The following FHL3 variants were observed in gnomAD, a reference collection of about 807,000 sequenced individuals.
The protein encoded by FHL3 is four and a half LIM domains protein 3.
In FHL3, 21 loss-of-function variants were observed where a neutral mutation model predicts 34.3. That is an observed-to-expected ratio of 0.61 (90% CI 0.43 to 0.88). The LOEUF (loss-of-function observed/expected upper bound fraction) is 0.88. Among genes scored for constraint, FHL3 ranks in the 40% least tolerant of loss-of-function variants. The pLI, the probability that FHL3 is intolerant of heterozygous loss-of-function variation, is 0.00. For missense variants in FHL3, 333 were observed against 373.7 expected (o/e 0.89, Z 0.90); for synonymous variants, 137 against 144.6 (o/e 0.95, Z 0.38).
chr1:37,997,677 G>T lies in FHL3; in HGVS notation c.688+7C>A, dbSNP rs1570480426. On this transcript the variant is annotated splice_region_variant and intron_variant, in intron 5 of 5. Coordinates refer to ENST00000373016, the MANE Select transcript of FHL3 (RefSeq NM_004468.5). This position sits in a 1 kb window ranked among gnomAD's most constrained non-coding sequence, Gnocchi z 4.3. Reference sequence around the variant, plus strand: ...CTACCCACTCCGTTCTTTGACCCTTGTCCCACCTACGATGGGGCGCTTGCA... The same window carrying T: ...CTACCCACTCCGTTCTTTGACCCTTTTCCCACCTACGATGGGGCGCTTGCA... The T allele has an allele frequency of 6.2e-7, 1 of 1,613,932 alleles. No homozygotes were observed. Among genetic ancestry groups the T allele is most frequent in the East Asian group, 2.2e-5 (1 of 44,876 alleles).
At chr1:38,001,089 C>T (rs1646589128) in intron 1 of FHL3, among the ~76,000 whole-genome samples, 1 of 152,248 alleles carries the variant, frequency 6.6e-6, no homozygotes. Context: ...AGGCCTGACT[C>T]TCCATACATC....
chr1:38,003,604 CAA>C (rs1646616224), intron 1 of FHL3, among the ~76,000 whole-genome samples: 1 of 152,248 alleles, frequency 6.6e-6, no homozygotes, highest in African/African-American at 2.4e-5. Context: ...TTGCCACTCA[CAA>C]AGTCCATGCC....
intron 1 of FHL3, among the ~76,000 whole-genome samples, chr1:38,002,100 AT>A (rs11352792): frequency 0.43 from 61,329 of 142,364 alleles, 12,677 homozygotes; most frequent in Non-Finnish European, 0.48. Flanking sequence ...CTGGACTGGA[AT>A]TTTTTTTTTT....
chr1:38,004,548 A>C (rs573482266), intron 1 of FHL3, among the ~76,000 whole-genome samples: 1 of 151,898 alleles, frequency 6.6e-6, no homozygotes, highest in Non-Finnish European at 1.5e-5. Context: ...GGCACACTTC[A>C]GTCTCTGTCT....
intron 1 of FHL3, among the ~76,000 whole-genome samples, chr1:38,001,412 C>A (rs1018544364): frequency 1.3e-5 from 2 of 152,214 alleles, no homozygotes; most frequent in Non-Finnish European, 2.9e-5. Flanking sequence ...CAGGCCCAGG[C>A]TAGACTTGGG....
Position 37,999,283 on chromosome 1 carries a change from G to A in FHL3, c.130C>T (p.Gln44Ter). 1 of 1,614,206 alleles carries A rather than the reference G, an allele frequency of 6.2e-7. No homozygotes were observed. Among genetic ancestry groups the A allele is most frequent in the African/African-American group, 1.3e-5 (1 of 75,034 alleles). Residue 44 changes from glutamine (Q) to a stop codon, truncating the protein, a stop_gained, in exon 2 of 6, where the codon CAG (glutamine) becomes TAG (stop). Coordinates refer to ENST00000373016, the MANE Select transcript of FHL3 (RefSeq NM_004468.5). LOFTEE classifies it high-confidence loss of function. Reference sequence around the variant, plus strand: ...CTCGAGTCATGCCCGATAAGCTGCTGGCACTCAGCACAGGTGTTGGCAAAG... The same window carrying A: ...CTCGAGTCATGCCCGATAAGCTGCTAGCACTCAGCACAGGTGTTGGCAAAG... ...NTFANTCAEC[Q>*]QLIGHDSREL...
rs751809514 is a variant in FHL3 at position 37,997,806 on chromosome 1, G to C, written c.566C>G (p.Thr189Ser). The change falls in exon 5 of 6, where the codon ACC (threonine) becomes AGC (serine). Residue 189 changes from threonine (T) to serine (S), a missense_variant. Transcript: ENST00000373016. The surrounding 1 kb of genome is among the most constrained non-coding windows in gnomAD (Gnocchi z 4.3). ...CCCTGCCAGGGGCGTCTGGCATCCG[G>C]TACAGACCAGACATTCTCGATGCCA... is the stretch of plus-strand genomic sequence containing the variant. ...QPWHRECLVC[T>S]GCQTPLAGQQ... The C allele has an allele frequency of 6.2e-7, 1 of 1,614,104 alleles. No individual in the cohort carries two copies. Among genetic ancestry groups the C allele is most frequent in the South Asian group, 1.1e-5 (1 of 91,084 alleles).
chr1:38,005,075 T>G (rs1193479537), intron 1 of FHL3, among the ~76,000 whole-genome samples: 3 of 151,806 alleles, frequency 2.0e-5, no homozygotes, highest in East Asian at 1.9e-4. Context: ...TCGGTCGGTC[T>G]GTCTGTCTCT....
Position 37,997,619 on chromosome 1 carries a change from C to T in FHL3, c.689-60G>A, listed in dbSNP as rs1436147149. 1.2e-6 allele frequency: 2 copies of T among 1,612,080 alleles called. No homozygotes were observed. Among genetic ancestry groups the T allele is most frequent in the Non-Finnish European group, 1.7e-6 (2 of 1,178,668 alleles). ...GGGGATGGTCCGGCCCTCAACCTCACCCAATACCACATCCCACTCCCTTGC... is the reference window on the plus strand; with the variant it reads ...GGGGATGGTCCGGCCCTCAACCTCATCCAATACCACATCCCACTCCCTTGC... On this transcript the variant is annotated intron_variant, in intron 5 of 5. Coordinates refer to ENST00000373016, the MANE Select transcript of FHL3 (RefSeq NM_004468.5). The surrounding 1 kb of genome is among the most constrained non-coding windows in gnomAD (Gnocchi z 4.3).
chr1:37,999,042 A>G lies in FHL3; in HGVS notation c.263T>C (p.Leu88Pro), dbSNP rs1646565383. ...CGCACTGCAGTAGCAGTCATTGCAG[A>G]GCAGCTCACTGTCCTGGCAGGTGAA... ...EPFTCQDSEL[L>P]CNDCYCSAFS... The change falls in exon 3 of 6, where the codon CTC becomes CCC. Residue 88 changes from leucine (L) to proline (P), a missense_variant. By Grantham distance (98) the Leu-to-Pro change is moderately conservative. Transcript: ENST00000373016. 14 of 1,614,252 alleles carry G rather than the reference A, an allele frequency of 8.7e-6. No homozygotes were observed. Among genetic ancestry groups the G allele is most frequent in the Non-Finnish European group, 1.1e-5 (13 of 1,180,040 alleles).
In FHL3 at chr1:37,999,497, A is replaced by G. The variant is rs1358999391; in HGVS notation, c.-20-65T>C. Reference sequence around the variant, plus strand: ...GGCTGTGGCTTGGCTCCTGGCAAAGAGGCCTCTGCATTCAAAACACAGCCA... The same window carrying G: ...GGCTGTGGCTTGGCTCCTGGCAAAGGGGCCTCTGCATTCAAAACACAGCCA... On this transcript the variant is annotated intron_variant, in intron 1 of 5. Transcript: ENST00000373016. The G allele has an allele frequency of 4.7e-6, 7 of 1,488,596 alleles. No individual in the cohort carries two copies. The East Asian group carries it at 6.8e-5, about 15-fold the overall frequency. The allele number at this position is 1,488,596 out of a possible 1,614,324, so 92.2% of individuals were successfully genotyped here. A position where few individuals can be genotyped will look rare whatever the true frequency, so the allele number is the denominator to read the frequency against.
At chr1:38,001,665 C>T (rs1040791399) in intron 1 of FHL3, among the ~76,000 whole-genome samples, 3 of 152,220 alleles carry the variant, frequency 2.0e-5, no homozygotes, top group African/African-American at 7.2e-5. Context: ...TGTATTCCTT[C>T]CTGACCGGCA....
At position 37,997,171 on chromosome 1, in the gene FHL3, G is replaced by A. The variant is rs186269589; in HGVS notation, c.*234C>T. 42 of 520,454 alleles carry A rather than the reference G, an allele frequency of 8.1e-5. No homozygotes were observed. Among genetic ancestry groups the A allele is most frequent in the Non-Finnish European group, 1.4e-4 (40 of 291,210 alleles). The allele number at this position is 520,454 out of a possible 1,614,324, so 32.2% of individuals were successfully genotyped here. On this transcript the variant is annotated 3_prime_UTR_variant, in exon 6 of 6. Transcript: ENST00000373016. This position sits in a 1 kb window ranked among gnomAD's most constrained non-coding sequence, Gnocchi z 4.3. ...GACTGCAGGGGAGAGGGTGAATTCT[G>A]GAGTCCAGGTGTGGGGAGGGGGCTT...
intron 1 of FHL3, among the ~76,000 whole-genome samples, chr1:37,999,831 C>T (rs1646575641): frequency 6.6e-6 from 1 of 152,202 alleles, no homozygotes; most frequent in African/African-American, 2.4e-5. Context: ...ATGAGCAGTA[C>T]TCCCACCCTC....
In FHL3 at chr1:37,997,811, G is replaced by A; in HGVS notation, c.561C>T (p.Val187=). 1 of 1,614,102 alleles carries A rather than the reference G, an allele frequency of 6.2e-7. No homozygotes were observed. Among genetic ancestry groups the A allele is most frequent in the East Asian group, 2.2e-5 (1 of 44,878 alleles). ...CCAGGGGCGTCTGGCATCCGGTACA[G>A]ACCAGACATTCTCGATGCCACGGCT... ...RDQPWHRECL[V]CTGCQTPLAG... is the part of the protein sequence containing the mutation. The change falls in exon 5 of 6, where the codon GTC becomes GTT. Residue 187 remains valine (V), a synonymous_variant. Transcript: ENST00000373016. This position sits in a 1 kb window ranked among gnomAD's most constrained non-coding sequence, Gnocchi z 4.3.
At chr1:38,004,294 C>G (rs1271416072) in intron 1 of FHL3, among the ~76,000 whole-genome samples, 2 of 152,132 alleles carry the variant, frequency 1.3e-5, no homozygotes, top group Non-Finnish European at 2.9e-5. Flanking sequence ...TTGGGGCTGT[C>G]TTGGTGGCTG....
At position 37,997,707 on chromosome 1, in the gene FHL3, C is replaced by A; in HGVS notation, c.665G>T (p.Ser222Ile). The A allele has an allele frequency of 6.2e-7, 1 of 1,614,146 alleles. No individual in the cohort carries two copies. Among genetic ancestry groups the A allele is most frequent in the Non-Finnish European group, 8.5e-7 (1 of 1,180,010 alleles). Residue 222 changes from serine to isoleucine, a missense_variant, in exon 5 of 6, where the codon AGC becomes ATC. Transcript: ENST00000373016. This position sits in a 1 kb window ranked among gnomAD's most constrained non-coding sequence, Gnocchi z 4.3. ...ACCTACGATGGGGCGCTTGCAGCTG[C>A]TGCACTTAGGTGCAAAGAGTTCTCC... ...CFGELFAPKC[S>I]SCKRPIVGLG...
Position 37,997,147 on chromosome 1 carries a change from A to C in FHL3, c.*258T>G. 3 of 435,896 alleles carry C rather than the reference A, an allele frequency of 6.9e-6. No individual in the cohort carries two copies. Among genetic ancestry groups the C allele is most frequent in the Non-Finnish European group, 4.2e-6 (1 of 240,914 alleles). The allele number at this position is 435,896 out of a possible 1,614,324, so 27.0% of individuals were successfully genotyped here. A position where few individuals can be genotyped will look rare whatever the true frequency, so the allele number is the denominator to read the frequency against. ...GAGAGGACTCAGTCTGGGAACCCAG[A>C]CTGCAGGGGAGAGGGTGAATTCTGG... On this transcript the variant is annotated 3_prime_UTR_variant, in exon 6 of 6. Coordinates refer to ENST00000373016, the MANE Select transcript of FHL3 (RefSeq NM_004468.5). The surrounding 1 kb of genome is among the most constrained non-coding windows in gnomAD (Gnocchi z 4.3).
intron 1 of FHL3, among the ~76,000 whole-genome samples, chr1:38,002,077 C>G (rs1048124966): frequency 3.3e-5 from 5 of 150,736 alleles, no homozygotes; most frequent in African/African-American, 1.2e-4. Flanking sequence ...ACAGGCAGGT[C>G]TGGGTCAAGC....
Sources: allele counts gnomAD v4.1 joint callset (sites outside exome capture counted in the v4.1 genomes callset), GRCh38; gene constraint gnomAD v4.1.1; non-coding constraint Gnocchi (gnomAD v3.1); transcripts MANE v1.5; gene names NCBI Gene and HGNC (gene_info 2026-07-23, HGNC 2026-07-21).